Variants in ZMYM6 observed in about 807,000 individuals in gnomAD.
ZMYM6 encodes the protein zinc finger MYM-type protein 6.
ZMYM6 carries 90 observed loss-of-function variants against 134.0 expected under a neutral mutation model. That is an observed-to-expected ratio of 0.67 (90% confidence interval 0.57 to 0.80). The LOEUF is 0.80. Ranked by LOEUF, ZMYM6 falls within the 30% of genes least tolerant of loss-of-function variation. The pLI, the probability that ZMYM6 is intolerant of heterozygous loss-of-function variation, is 0.00. For synonymous variants in ZMYM6, 481 were observed against 524.1 expected (o/e 0.92, Z 1.12); for missense variants, 1,362 against 1,533.9 (o/e 0.89, Z 1.87).
intron 6 of ZMYM6, 109 bp downstream of exon 6, chr1:35,014,588 T>C: frequency 9.3e-7 from 1 of 1,071,764 alleles, no homozygotes; most frequent in Non-Finnish European, 1.3e-6. Context: ...GGAAATCACA[T>C]ATCAGGATGG....
Position 34,988,154 on chromosome 1 carries a change from A to G in ZMYM6, c.2928T>C (p.Val976=). 6.4e-7 allele frequency: 1 copy of G among 1,550,814 alleles called. No homozygotes were observed. Among genetic ancestry groups the G allele is most frequent in the Non-Finnish European group, 8.7e-7 (1 of 1,146,748 alleles). Residue 976 remains valine (V), a synonymous_variant, in exon 16 of 16, where the codon GTT becomes GTC. Coordinates refer to ENST00000357182, the MANE Select transcript of ZMYM6 (RefSeq NM_007167.4). ...TTGCAGCCCCATCGGTACAGAGACC[A>G]ACACAATGTTTCCAATTCAGAGATT... ...DSKSLNWKHC[V]GLCTDGAASM... is the part of the protein sequence containing the mutation.
intron 14 of ZMYM6, among the ~76,000 whole-genome samples, chr1:35,000,227 C>A (rs549616004): frequency 4.7e-5 from 7 of 147,784 alleles, no homozygotes; most frequent in African/African-American, 1.6e-4. Flanking sequence ...CCACACTTCG[C>A]CCCAGAGATT....
chr1:35,012,836 G>A, intron 6 of ZMYM6: 1 of 985,308 alleles, frequency 1.0e-6, no homozygotes, highest in Non-Finnish European at 1.2e-6. Context: ...CACAAGTAAT[G>A]AATTAAATAG....
chr1:34,995,615 ATGGGTAGTACACACAGTG>A (rs1640771495), intron 14 of ZMYM6, among the ~76,000 whole-genome samples: 2 of 152,116 alleles, frequency 1.3e-5, no homozygotes, highest in South Asian at 4.1e-4. Context: ...CTGACTAGTG[ATGGGTAGTACACACAGTG>A]TGGATATGCT....
chr1:35,022,147 G>A (rs185438448), intron 2 of ZMYM6, among the ~76,000 whole-genome samples: 1 of 152,326 alleles, frequency 6.6e-6, no homozygotes, highest in Admixed American at 6.5e-5. Context: ...CCAAAGAGGT[G>A]CTCTCTATAA....
chr1:35,023,403 G>A (rs912750323), intron 2 of ZMYM6, among the ~76,000 whole-genome samples: 6 of 151,910 alleles, frequency 3.9e-5, no homozygotes, highest in Non-Finnish European at 7.4e-5. Flanking sequence ...CACTGCACCT[G>A]GCCAAAATGC....
chr1:35,012,430 C>A lies in ZMYM6; in HGVS notation c.946+1G>T. ...ATAAATTTATCAAATTTAAACATTA[C>A]CTGAAGAAGTAACAGTCTTAACTCT... On this transcript the variant is annotated splice_donor_variant, in intron 7 of 15. Coordinates refer to ENST00000357182, the MANE Select transcript of ZMYM6 (RefSeq NM_007167.4). LOFTEE classifies it high-confidence loss of function. 1 of 1,516,980 alleles carries A rather than the reference C, an allele frequency of 6.6e-7. No individual in the cohort carries two copies. Among genetic ancestry groups the A allele is most frequent in the Non-Finnish European group, 8.8e-7 (1 of 1,136,362 alleles). The allele number at this position is 1,516,980 out of a possible 1,614,324, so 94.0% of individuals were successfully genotyped here. A position where few individuals can be genotyped will look rare whatever the true frequency, so the allele number is the denominator to read the frequency against.
rs772543095 is a variant in ZMYM6 at position 34,987,579 on chromosome 1, G to T, written c.3503C>A (p.Ser1168Ter). ...TQENDYDMFP[S>*]FSEFSNSSGL... The stretch of plus-strand genomic sequence containing the variant: ...TGATGAATTTGAGAATTCAGAAAAT[G>T]AAGGGAACATGTCATAATCATTCTC... The change falls in exon 16 of 16, where the codon TCA (serine) becomes TAA (stop). Residue 1168 changes from serine to a stop codon, truncating the protein, a stop_gained. Transcript: ENST00000357182. LOFTEE classifies it high-confidence loss of function. 6.2e-7 allele frequency: 1 copy of T among 1,613,752 alleles called. No individual in the cohort carries two copies. Among genetic ancestry groups the T allele is most frequent in the Non-Finnish European group, 8.5e-7 (1 of 1,179,830 alleles).
Position 35,019,435 on chromosome 1 carries a change from A to G in ZMYM6, c.346T>C (p.Cys116Arg), listed in dbSNP as rs1040802290. 1.9e-6 allele frequency: 3 copies of G among 1,614,076 alleles called. No individual in the cohort carries two copies. The Admixed American group carries it at 5.0e-5, about 27-fold the overall frequency. The change falls in exon 4 of 16, where the codon TGC becomes CGC. Residue 116 changes from cysteine (C) to arginine (R), a missense_variant. Coordinates refer to ENST00000357182, the MANE Select transcript of ZMYM6 (RefSeq NM_007167.4). ...TGTCTGGTGATGCATCGTGTGGAGC[A>G]GAAGAGCTGAGTAGATCCTGTCTTA... is the stretch of plus-strand genomic sequence containing the variant. ...YHKTGSTQLF[C>R]STRCITRHSS...
In ZMYM6 at chr1:35,024,921, T is replaced by G. The variant is rs868700258; in HGVS notation, c.94-4454A>C. Among the ~76,000 whole-genome samples, 25 of 152,066 alleles carry G rather than the reference T, an allele frequency of 1.6e-4. No individual in the cohort carries two copies. In the South Asian group the frequency reaches 3.7e-3, roughly 23 times the overall value. On this transcript the variant is annotated intron_variant, in intron 2 of 15. Coordinates refer to ENST00000357182, the MANE Select transcript of ZMYM6 (RefSeq NM_007167.4). ...TATTGCTCTGTTGCCCAGGCTGGAG[T>G]GCAGTGGAGCAATCTCTGTTCACTG... is the stretch of plus-strand genomic sequence containing the variant.
rs371642642 is a variant in ZMYM6, at chr1:35,010,829, T to C, written c.1270A>G (p.Thr424Ala). 1.2e-6 allele frequency: 2 copies of C among 1,610,102 alleles called. No individual in the cohort carries two copies. The highest frequency in any genetic ancestry group is 1.1e-5 in the South Asian group (1 of 90,390). ...TGCTGACACTTGAGTTTAACAACTG[T>C]ATGGGTTAAAGCAACTTGCTGGGAT... ...EQSQQVALTH[T>A]VVKLKCQHCN... Residue 424 changes from threonine to alanine, a missense_variant, in exon 9 of 16, where the codon ACA (threonine) becomes GCA (alanine). By Grantham distance (58) the Thr-to-Ala change is moderately conservative. Transcript: ENST00000357182.
At position 34,986,980 on chromosome 1, in the gene ZMYM6, G is replaced by A; in HGVS notation, c.*124C>T. On this transcript the variant is annotated 3_prime_UTR_variant, in exon 16 of 16. Coordinates refer to ENST00000357182, the MANE Select transcript of ZMYM6 (RefSeq NM_007167.4). ...ATTATTAAATTCCTCAACAAAAAGG[G>A]AAAAATTATTAAAACATTTAATCAC... is the stretch of plus-strand genomic sequence containing the variant. 1 of 634,506 alleles carries A rather than the reference G, an allele frequency of 1.6e-6. No homozygotes were observed. The highest frequency in any genetic ancestry group is 5.4e-5 in the South Asian group (1 of 18,476). The allele number at this position is 634,506 out of a possible 1,614,324, so 39.3% of individuals were successfully genotyped here.
At position 35,010,987 on chromosome 1, in the gene ZMYM6, G is replaced by C. The variant is rs111811917; in HGVS notation, c.1112C>G (p.Ser371Cys). The change falls in exon 9 of 16, where the codon TCT becomes TGT. Residue 371 changes from serine (S) to cysteine (C), a missense_variant. By Grantham distance (112) the Ser-to-Cys change is moderately radical. This residue lies in a region of ZMYM6 where 503 missense variants were observed against 520.8 expected (regional missense o/e 0.97). Transcript: ENST00000357182. ...KGTNSSAVPL[S>C]QGQVVVSPPS... Reference sequence around the variant, plus strand: ...CGGGCTTACAACCACTTGGCCCTGAGACAGGGGCACCGCCGAAGAGTTTGT... The same window carrying C: ...CGGGCTTACAACCACTTGGCCCTGACACAGGGGCACCGCCGAAGAGTTTGT... 4.3e-6 allele frequency: 7 copies of C among 1,613,892 alleles called. No individual in the cohort carries two copies. The African/African-American group carries it at 8.0e-5, about 18-fold the overall frequency.
intron 12 of ZMYM6, among the ~76,000 whole-genome samples, chr1:35,005,643 A>AG (rs1158601620): frequency 1.3e-5 from 2 of 151,694 alleles, no homozygotes; most frequent in Non-Finnish European, 2.9e-5. Context: ...AAAAAAAAAA[A>AG]AAAAAAAAGA....
rs1161814959 is a variant in ZMYM6, at chr1:35,025,466, C to CAAAAAAAAAAAAAA, written c.94-5013_94-5000dup. On this transcript the variant is annotated intron_variant, in intron 2 of 15. Coordinates refer to ENST00000357182, the MANE Select transcript of ZMYM6 (RefSeq NM_007167.4). ...TGGGCTACAAAGCAAGACTCCATCC[C>CAAAAAAAAAAAAAA]AAAAAAAAAAAAAAAAAAAAAAGAA... Among the ~76,000 whole-genome samples, 25 of 54,988 alleles carry CAAAAAAAAAAAAAA rather than the reference C, an allele frequency of 4.5e-4. 1 individual carries two copies. The highest frequency in any genetic ancestry group is 7.8e-4 in the African/African-American group (14 of 17,900). The allele number at this position is 54,988 out of a possible 152,430, so 36.1% of individuals were successfully genotyped here.
At position 35,006,987 on chromosome 1, in the gene ZMYM6, G is replaced by A; in HGVS notation, c.1777C>T (p.Gln593Ter). Residue 593 changes from glutamine to a stop codon, truncating the protein, a stop_gained, in exon 12 of 16, where the codon CAG becomes TAG. Coordinates refer to ENST00000357182, the MANE Select transcript of ZMYM6 (RefSeq NM_007167.4). LOFTEE classifies it high-confidence loss of function. ...GGAAGACAGTCATTCATAATTTGCT[G>A]ATGACAAAACTCCAAGACACAAAAT... ...NLFCVLEFCHQQIMNDCLPQN... is the reference protein window; with the variant it reads ...NLFCVLEFCH The A allele has an allele frequency of 6.2e-7, 1 of 1,609,816 alleles. No individual in the cohort carries two copies. Among genetic ancestry groups the A allele is most frequent in the Non-Finnish European group, 8.5e-7 (1 of 1,178,840 alleles).
chr1:35,026,815 A>G (rs1037693905), intron 2 of ZMYM6, among the ~76,000 whole-genome samples: 10 of 152,172 alleles, frequency 6.6e-5, no homozygotes, highest in African/African-American at 2.4e-4. Flanking sequence ...ATTATTGAAC[A>G]TGTACTTTGT....
In ZMYM6 at chr1:35,010,949, A is replaced by G; in HGVS notation, c.1150T>C (p.Ser384Pro). The stretch of plus-strand genomic sequence containing the variant: ...TTACCTCCTCCTATTGACACTGCTG[A>G]CCTGGAGGAGGGCGGGCTTACAACC... The part of the protein sequence containing the change: ...QVVVSPPSSR[S>P]AVSIGGGNTS... Residue 384 changes from serine to proline, a missense_variant, in exon 9 of 16, where the codon TCA becomes CCA. Physicochemically the swap from Ser to Pro is moderately conservative, Grantham distance 74 (BLOSUM62 -1). Transcript: ENST00000357182. 6.2e-7 allele frequency: 1 copy of G among 1,613,102 alleles called. No individual in the cohort carries two copies. The highest frequency in any genetic ancestry group is 1.1e-5 in the South Asian group (1 of 90,874).
At chr1:35,025,203 G>A (rs1220006780) in intron 2 of ZMYM6, among the ~76,000 whole-genome samples, 7 of 150,152 alleles carry the variant, frequency 4.7e-5, no homozygotes, top group Non-Finnish European at 1.0e-4. Flanking sequence ...GGTGGCACAG[G>A]CCAGGCACGG....
Sources: gnomAD v4.1 joint callset for allele counts (sites outside exome capture counted in the v4.1 genomes callset) on GRCh38, gnomAD v4.1.1 for gene constraint, gnomAD v4.1.1 regional missense constraint, MANE v1.5 for transcripts, NCBI Gene and HGNC (gene_info 2026-07-23, HGNC 2026-07-21) for gene names.